LAMA4: variants seen among roughly 807,000 people sequenced by gnomAD.
The protein encoded by LAMA4 is laminin subunit alpha-4.
A neutral mutation model predicts 207.1 loss-of-function variants in LAMA4; 127 were observed. The observed-to-expected ratio is 0.61, with a 90% CI of 0.53 to 0.71. The LOEUF is 0.71. Among genes scored for constraint, LAMA4 ranks in the 30% least tolerant of loss-of-function variants. The probability of loss-of-function intolerance (pLI) is 0.00; values close to 1 mark genes in which losing one functional copy is unlikely to be tolerated. For synonymous variants in LAMA4, 761 were observed against 816.0 expected, an observed-to-expected ratio of 0.93 and a Z score of 1.15; for missense variants, 2,093 against 2,246.5, an observed-to-expected ratio of 0.93 and a Z score of 1.38.
intron 2 of LAMA4, among the ~76,000 whole-genome samples, chr6:112,239,213 T>C (rs1786177419): frequency 6.7e-6 from 1 of 148,800 alleles, no homozygotes; most frequent in African/African-American, 2.5e-5. Context: ...CCCAGCTACT[T>C]GGGAGGCTGA....
At chr6:112,190,008 C>A (rs782776910) in intron 6 of LAMA4, among the ~76,000 whole-genome samples, 4 of 152,166 alleles carry the variant, frequency 2.6e-5, no homozygotes, top group African/African-American at 4.8e-5. Flanking sequence ...CATTTCCCCC[C>A]ACTTCTTAAC....
chr6:112,178,459 T>C (rs1782153744), intron 9 of LAMA4: 1 of 500,428 alleles, frequency 2.0e-6, no homozygotes, highest in Non-Finnish European at 3.6e-6. Flanking sequence ...TATTGGGGTA[T>C]AGGTGGTATT....
At chr6:112,201,786 G>A (rs1353315900) in intron 4 of LAMA4, 98 bp from the exon 5 acceptor site, 2 of 945,342 alleles carry the variant, frequency 2.1e-6, no homozygotes, top group African/African-American at 3.2e-5. Context: ...TCCCATTAAA[G>A]TTCTAATGGG....
chr6:112,194,957 T>G (rs1050544333), intron 5 of LAMA4, among the ~76,000 whole-genome samples: 1 of 152,214 alleles, frequency 6.6e-6, no homozygotes, highest in Non-Finnish European at 1.5e-5. Context: ...AACTTTGTCA[T>G]TTTGGTTAGT....
At chr6:112,136,918 T>G (rs930822547) in intron 24 of LAMA4, among the ~76,000 whole-genome samples, 1 of 152,202 alleles carries the variant, frequency 6.6e-6, no homozygotes, top group Non-Finnish European at 1.5e-5. Flanking sequence ...AGGAAACTTT[T>G]AAAAATTATA....
chr6:112,154,784 T>C (rs1780604842), intron 16 of LAMA4, 67 bp downstream of exon 16: 1 of 955,812 alleles, frequency 1.0e-6, no homozygotes, highest in Admixed American at 1.7e-5. Flanking sequence ...GAAATCTCTG[T>C]CTACGTGTAT....
chr6:112,122,579 GA>G (rs1778425951), intron 31 of LAMA4, among the ~76,000 whole-genome samples: 1 of 152,090 alleles, frequency 6.6e-6, no homozygotes, highest in Admixed American at 6.6e-5. Context: ...CCTCATATAA[GA>G]AACAATATTA....
At chr6:112,240,584 A>G (rs1391576195) in intron 2 of LAMA4, among the ~76,000 whole-genome samples, 2 of 152,136 alleles carry the variant, frequency 1.3e-5, no homozygotes, top group East Asian at 1.9e-4. Flanking sequence ...CCATCTTTCT[A>G]TTCTCTATGT....
At chr6:112,166,006 G>A (rs1781363919) in intron 12 of LAMA4, among the ~76,000 whole-genome samples, 1 of 152,166 alleles carries the variant, frequency 6.6e-6, no homozygotes, top group African/African-American at 2.4e-5. Context: ...GGAGGGAAAA[G>A]TAAAAGACTC....
At position 112,254,374 on chromosome 6, in the gene LAMA4, TCTCTCC is replaced by T. The variant is rs1279187977; in HGVS notation, c.-142+79_-142+84del. On this transcript the variant is annotated intron_variant, in intron 1 of 38. Coordinates refer to ENST00000230538, the MANE Select transcript of LAMA4 (RefSeq NM_001105206.3). ...CTCTCTCTCTCCCCTTCTCCCCCTC[TCTCTCC>T]CTCTCCCTCTCCCTCTTTCACTTTT... The T allele has an allele frequency of 1.1e-4, 65 of 597,382 alleles. 1 individual carries two copies. The highest frequency in any genetic ancestry group is 7.5e-4 in the Admixed American group (26 of 34,880). 37.0% of individuals were successfully genotyped at this position (597,382 alleles called of 1,614,324 possible). A position where few individuals can be genotyped will look rare whatever the true frequency, so the allele number is the denominator to read the frequency against.
At chr6:112,186,770 A>G (rs555190139) in intron 8 of LAMA4, 95 of 449,528 alleles carry the variant, frequency 2.1e-4, no homozygotes, top group African/African-American at 1.8e-3. Flanking sequence ...TTGTTTTTAT[A>G]AAATATATTT....
At chr6:112,224,740 C>T (rs150011219) in intron 2 of LAMA4, among the ~76,000 whole-genome samples, 4,349 of 144,316 alleles carry the variant, frequency 0.03, 199 homozygotes, top group African/African-American at 0.1. Flanking sequence ...CACTTGAATC[C>T]GGGAGGCGGA....
At position 112,158,540 on chromosome 6, in the gene LAMA4, ACAAC is replaced by A. The variant is rs3833961; in HGVS notation, c.1817+188_1817+191del. On this transcript the variant is annotated intron_variant, in intron 14 of 38. Coordinates refer to ENST00000230538, the MANE Select transcript of LAMA4 (RefSeq NM_001105206.3). ...GAACAATGATGGACTCTCAGATGGA[ACAAC>A]CAACCAACCAACCAACCAACCAAGC... is the stretch of plus-strand genomic sequence containing the variant. Among the ~76,000 whole-genome samples, 2,139 of 151,466 alleles carry A rather than the reference ACAAC, an allele frequency of 0.014. 57 individuals carry two copies. Among genetic ancestry groups the A allele is most frequent in the African/African-American group, 0.049 (2,027 of 41,208 alleles).
At chr6:112,251,294 T>C (rs566815108) in intron 2 of LAMA4, 1 of 152,206 alleles carries the variant, frequency 6.6e-6, no homozygotes, top group Non-Finnish European at 1.5e-5. Context: ...CCAGCTCACA[T>C]GGAGCAATAC....
At chr6:112,122,336 C>A in intron 31 of LAMA4, 135 bp from the exon 32 acceptor site, 1 of 678,088 alleles carries the variant, frequency 1.5e-6, no homozygotes, top group Non-Finnish European at 2.5e-6. Context: ...ACATTAGGTC[C>A]CCTCTCTTTC....
At chr6:112,113,101 C>T (rs1777802141) in intron 38 of LAMA4, among the ~76,000 whole-genome samples, 1 of 152,114 alleles carries the variant, frequency 6.6e-6, no homozygotes, top group Admixed American at 6.5e-5. Flanking sequence ...TCTAGAATTT[C>T]ATAGTACAAT....
rs893412609 is a variant in LAMA4 at position 112,165,374 on chromosome 6, A to G, written c.1552-98T>C. On this transcript the variant is annotated intron_variant, in intron 12 of 38. Coordinates refer to ENST00000230538, the MANE Select transcript of LAMA4 (RefSeq NM_001105206.3). ...GTCAACTTGCTCTCTTTGGACTCAGACAAATCTGGGTTCATATCCCAGCTC... is the reference window on the plus strand; with the variant it reads ...GTCAACTTGCTCTCTTTGGACTCAGGCAAATCTGGGTTCATATCCCAGCTC... 21 of 838,536 alleles carry G rather than the reference A, an allele frequency of 2.5e-5. No homozygotes were observed. The South Asian group carries it at 2.7e-4, about 11-fold the overall frequency. 51.9% of individuals were successfully genotyped at this position (838,536 alleles called of 1,614,324 possible). A position where few individuals can be genotyped will look rare whatever the true frequency, so the allele number is the denominator to read the frequency against.
intron 2 of LAMA4, among the ~76,000 whole-genome samples, chr6:112,239,746 G>A (rs528541805): frequency 6.6e-6 from 1 of 152,250 alleles, no homozygotes; most frequent in South Asian, 2.1e-4. Context: ...GCTTAAAGGA[G>A]TTAGCAGCCT....
rs189514559 is a variant in LAMA4 at position 112,235,017 on chromosome 6, C to A, written c.196-18548G>T. ...CATCTTAAATACAGTATTATTCTCA[C>A]CATACTGAGGATCCTCCTGACATCA... On this transcript the variant is annotated intron_variant, in intron 2 of 38. Transcript: ENST00000230538. 3.2e-4 allele frequency among the ~76,000 whole-genome samples: 48 copies of A among 152,284 alleles called. 1 individual carries two copies. In the East Asian group the frequency reaches 9.1e-3, roughly 29 times the overall value.
Sources: gnomAD v4.1 joint callset for allele counts (sites outside exome capture counted in the v4.1 genomes callset) on GRCh38, gnomAD v4.1.1 for gene constraint, MANE v1.5 for transcripts, NCBI Gene and HGNC (gene_info 2026-07-23, HGNC 2026-07-21) for gene names.